Variants in CD72 observed in about 807,000 individuals in gnomAD.
CD72 encodes the protein CD72 molecule.
Under a neutral mutation model 50.7 loss-of-function variants are expected in CD72, and 28 were observed. That is an observed-to-expected ratio of 0.55 (90% confidence interval 0.41 to 0.76). CD72 has a LOEUF of 0.76. CD72 is among the 30% of genes least tolerant of loss of function. CD72 has a pLI of 0.00. For missense variants in CD72, 403 were observed against 420.6 expected (o/e 0.96, Z 0.37); for synonymous variants, 176 against 171.2 (o/e 1.03, Z -0.22).
intron 1 of CD72, among the ~76,000 whole-genome samples, chr9:35,645,181 A>G (rs1587911201): frequency 6.7e-6 from 1 of 149,398 alleles, no homozygotes; most frequent in African/African-American, 2.5e-5. Context: ...CCTGGGCAAC[A>G]AGAGCGAAAC....
intron 1 of CD72, among the ~76,000 whole-genome samples, chr9:35,638,528 T>C (rs188175382): frequency 3.9e-5 from 6 of 152,036 alleles, no homozygotes; most frequent in African/African-American, 1.4e-4. Flanking sequence ...TCTGGGTACA[T>C]GCGCCTTTTT....
At chr9:35,619,203 G>A (rs1823117715), upstream of CD72, among the ~76,000 whole-genome samples, 1 of 152,222 alleles carries the variant, frequency 6.6e-6, no homozygotes, top group African/African-American at 2.4e-5. Flanking sequence ...GGCATTTGTG[G>A]CGGAGGACCC....
intron 3 of CD72, 192 bp downstream of exon 3, chr9:35,616,984 C>A: frequency 6.9e-7 from 1 of 1,442,188 alleles, no homozygotes; most frequent in Non-Finnish European, 9.1e-7. Context: ...TGGGACCATC[C>A]GCAGGGGGGC....
upstream of CD72, among the ~76,000 whole-genome samples, chr9:35,624,462 C>T (rs1442745404): frequency 6.6e-6 from 1 of 151,946 alleles, no homozygotes; most frequent in Non-Finnish European, 1.5e-5. Context: ...AGAGCATCTA[C>T]CTTGACCCAC....
At chr9:35,644,350 CAAA>C (rs74176726) in intron 1 of CD72, among the ~76,000 whole-genome samples, 9 of 68,196 alleles carry the variant, frequency 1.3e-4, no homozygotes, top group East Asian at 5.7e-4. Context: ...AACTCTGTCT[CAAA>C]AAAAAAAAAA....
intron 1 of CD72, among the ~76,000 whole-genome samples, chr9:35,631,928 G>A (rs931723247): frequency 1.3e-5 from 2 of 151,956 alleles, no homozygotes; most frequent in East Asian, 1.9e-4. Context: ...TAAATAAATG[G>A]CATAGAAATT....
chr9:35,616,080 T>C lies in CD72; in HGVS notation c.551A>G (p.Gln184Arg). ...EQRAHQAAEG[Q>R]LQACQADRQK... The stretch of plus-strand genomic sequence containing the variant: ...TCTGTCTGCCTGGCAGGCCTGTAGC[T>C]GCCCTTCGGCCGCCTGATGAGCCCT... Residue 184 changes from glutamine (Q) to arginine (R), a missense_variant, in exon 5 of 9, where the codon CAG (glutamine) becomes CGG (arginine). Gln to Arg is a conservative substitution (Grantham distance 43). Coordinates refer to ENST00000259633, the MANE Select transcript of CD72 (RefSeq NM_001782.3). The C allele has an allele frequency of 6.2e-7, 1 of 1,614,194 alleles. No individual in the cohort carries two copies. The highest frequency in any genetic ancestry group is 8.5e-7 in the Non-Finnish European group (1 of 1,180,040).
chr9:35,630,058 T>C (rs1307585099), intron 1 of CD72, among the ~76,000 whole-genome samples: 5 of 134,714 alleles, frequency 3.7e-5, no homozygotes, highest in African/African-American at 1.4e-4. Flanking sequence ...TTTTTGGAGA[T>C]GGGAGTCTTG....
At chr9:35,645,261 T>C (rs1330830443) in intron 1 of CD72, among the ~76,000 whole-genome samples, 2 of 149,274 alleles carry the variant, frequency 1.3e-5, no homozygotes, top group African/African-American at 4.9e-5. Flanking sequence ...AAGGCAAATA[T>C]AGCTCTGGGC....
Position 35,610,063 on chromosome 9 carries a change from A to G in CD72, c.*260T>C. 3.5e-6 allele frequency: 1 copy of G among 287,044 alleles called. No individual in the cohort carries two copies. The highest frequency in any genetic ancestry group is 6.4e-6 in the Non-Finnish European group (1 of 155,050). 17.8% of individuals were successfully genotyped at this position (287,044 alleles called of 1,614,324 possible). A position where few individuals can be genotyped will look rare whatever the true frequency, so the allele number is the denominator to read the frequency against. ...CTCAGCCCGTGCGCCCTCCTCCCCC[A>G]CCCCATTCTACCATGGGAAGTTCTT... On this transcript the variant is annotated 3_prime_UTR_variant, in exon 9 of 9. Transcript: ENST00000259633.
At chr9:35,635,086 G>C (rs1823277384) in intron 1 of CD72, among the ~76,000 whole-genome samples, 1 of 152,088 alleles carries the variant, frequency 6.6e-6, no homozygotes, top group Non-Finnish European at 1.5e-5. Flanking sequence ...TTCCATCTGG[G>C]GGTCTTTTAA....
intron 1 of CD72, among the ~76,000 whole-genome samples, chr9:35,637,259 C>T (rs13289217): frequency 6.6e-6 from 1 of 152,224 alleles, no homozygotes; most frequent in Non-Finnish European, 1.5e-5. Context: ...TCGGACTCAG[C>T]CCGCCTGCAC....
chr9:35,627,941 C>A (rs1350418308), intron 1 of CD72, among the ~76,000 whole-genome samples: 1 of 151,780 alleles, frequency 6.6e-6, no homozygotes, highest in Non-Finnish European at 1.5e-5. Flanking sequence ...GTTCAAGTGA[C>A]CCTCCCACCT....
chr9:35,626,688 A>C (rs183050242), intron 1 of CD72, among the ~76,000 whole-genome samples: 40 of 152,354 alleles, frequency 2.6e-4, no homozygotes, highest in Admixed American at 1.3e-3. Context: ...AGCAGCTACC[A>C]ACATCAAGGC....
chr9:35,626,302 TAC>T (rs938453817), intron 1 of CD72, among the ~76,000 whole-genome samples: 13 of 152,140 alleles, frequency 8.5e-5, no homozygotes, highest in Admixed American at 8.5e-4. Flanking sequence ...GCAAGAGAAC[TAC>T]AGTTAGAAAT....
At chr9:35,620,824 A>C, upstream of CD72, among the ~76,000 whole-genome samples, 1 of 152,306 alleles carries the variant, frequency 6.6e-6, no homozygotes, top group East Asian at 1.9e-4. Flanking sequence ...CAAAAATAAA[A>C]AAAAATAAAA....
intron 3 of CD72, 106 bp downstream of exon 3, chr9:35,617,070 C>A (rs759057154): frequency 2.0e-6 from 3 of 1,498,296 alleles, no homozygotes; most frequent in African/African-American, 1.4e-5. Flanking sequence ...GGACTGCGCC[C>A]GGGTTTATCC....
chr9:35,614,490 G>A (rs755714771), intron 5 of CD72, among the ~76,000 whole-genome samples: 66 of 152,196 alleles, frequency 4.3e-4, no homozygotes, highest in Admixed American at 1.7e-3. Context: ...AAGAGTGGAA[G>A]ATGAGGACAT....
upstream of CD72, chr9:35,618,596 G>A: frequency 1.5e-6 from 1 of 652,032 alleles, no homozygotes; most frequent in South Asian, 1.7e-5. Context: ...TCCTCCCTGT[G>A]CTTCCTCTCC....
Sources: allele counts gnomAD v4.1 joint callset (sites outside exome capture counted in the v4.1 genomes callset), GRCh38; gene constraint gnomAD v4.1.1; transcripts MANE v1.5; gene names NCBI Gene and HGNC (gene_info 2026-07-23, HGNC 2026-07-21).